The following PAWR variants were observed in gnomAD, a reference collection of about 807,000 sequenced individuals.
PAWR encodes pro-apoptotic WT1 regulator.
PAWR carries 23 observed loss-of-function variants against 32.0 expected under a neutral mutation model. The observed-to-expected ratio is 0.72, with a 90% confidence interval of 0.52 to 1.02. The LOEUF is 1.02. Among genes scored for constraint, PAWR ranks in the 50% least tolerant of loss-of-function variants. The probability of loss-of-function intolerance (pLI) is 0.00; values close to 1 mark genes in which losing one functional copy is unlikely to be tolerated. For missense variants in PAWR, 457 were observed against 437.7 expected (o/e 1.04, Z -0.39); for synonymous variants, 226 against 187.1 (o/e 1.21, Z -1.70).
chr12:79,586,676 A>G lies in PAWR; in HGVS notation c.*5931T>C, dbSNP rs1873393178. 2 of 152,210 alleles carry G rather than the reference A, an allele frequency of 1.3e-5. No homozygotes were observed. Among genetic ancestry groups the G allele is most frequent in the African/African-American group, 4.8e-5 (2 of 41,470 alleles). The allele number at this position is 152,210 out of a possible 1,614,324, so 9.4% of individuals were successfully genotyped here. A position where few individuals can be genotyped will look rare whatever the true frequency, so the allele number is the denominator to read the frequency against. ...TATGTGTAAAGTAAAAATTCAATCT[A>G]TCTTTAACCGGCTCATACTGTTTTC... On this transcript the variant is annotated 3_prime_UTR_variant, in exon 7 of 7. Transcript: ENST00000328827.
Position 79,589,844 on chromosome 12 carries a change from G to T in PAWR, c.*2763C>A, listed in dbSNP as rs1178859320. ...AAATTCCCAGGAGATTTAAGAAATA[G>T]TATTTCTGAACAGGAATAATAATTT... On this transcript the variant is annotated 3_prime_UTR_variant, in exon 7 of 7. Transcript: ENST00000328827. 1 of 152,112 alleles carries T rather than the reference G, an allele frequency of 6.6e-6. No individual in the cohort carries two copies. The highest frequency in any genetic ancestry group is 1.5e-5 in the Non-Finnish European group (1 of 68,002). The allele number at this position is 152,112 out of a possible 1,614,324, so 9.4% of individuals were successfully genotyped here.
chr12:79,664,658 C>CGGGGG (rs10700018), intron 2 of PAWR, among the ~76,000 whole-genome samples: 12 of 128,240 alleles, frequency 9.4e-5, no homozygotes, highest in African/African-American at 4.3e-4. Flanking sequence ...GACTCTTTGG[C>CGGGGG]GGGGGGGGGA....
chr12:79,639,908 TTCC>T (rs1396027138), intron 2 of PAWR, among the ~76,000 whole-genome samples: 1 of 150,944 alleles, frequency 6.6e-6, no homozygotes, highest in Non-Finnish European at 1.5e-5. Flanking sequence ...TTCCATTCCA[TTCC>T]ATTCTATTCT....
Position 79,592,701 on chromosome 12 carries a change from A to C in PAWR, c.937-8T>G, listed in dbSNP as rs746441034. On this transcript the variant is annotated splice_region_variant and splice_polypyrimidine_tract_variant and intron_variant, in intron 6 of 6. Transcript: ENST00000328827. ...TTCTATGTCATCTAGGTCCTTAAGA[A>C]AAAAAAAAGACACTTTAAAAATACT... 1.1e-5 allele frequency: 8 copies of C among 725,696 alleles called. No individual in the cohort carries two copies. The highest frequency in any genetic ancestry group is 1.1e-4 in the South Asian group (7 of 66,226). 45.0% of individuals were successfully genotyped at this position (725,696 alleles called of 1,614,324 possible).
intron 2 of PAWR, chr12:79,668,437 T>TTAAG (rs1426868148): frequency 7.2e-5 from 11 of 152,262 alleles, no homozygotes; most frequent in Admixed American, 1.3e-4. Context: ...AAACAACTGG[T>TTAAG]TAAGTAAGGA....
At chr12:79,632,336 TATATATATATATATATATATATA>T (rs1875715814) in intron 2 of PAWR, among the ~76,000 whole-genome samples, 2 of 57,580 alleles carry the variant, frequency 3.5e-5, no homozygotes, top group African/African-American at 4.3e-4. Flanking sequence ...TATATATATA[TATATATATATATATATATATATA>T]TATTTTTTTT....
rs1318306900 is a variant in PAWR, at chr12:79,596,620, T to C, written c.722A>G (p.Tyr241Cys). 6.2e-7 allele frequency: 1 copy of C among 1,600,456 alleles called. No homozygotes were observed. The highest frequency in any genetic ancestry group is 8.5e-7 in the Non-Finnish European group (1 of 1,170,786). Residue 241 changes from tyrosine (Y) to cysteine (C), a missense_variant, in exon 5 of 7, where the codon TAT becomes TGT. Tyr to Cys is a radical substitution (Grantham distance 194). Transcript: ENST00000328827. ...GAACCCACTTCTATCTGTTCGAGAA[T>C]ATCTACTTGAGACATCTTCTTCAGA... ...SVSEEDVSSR[Y>C]SRTDRSGFPR...
rs1374975909 is a variant in PAWR, at chr12:79,690,429, G to C, written c.-147-38C>G. On this transcript the variant is annotated intron_variant, in intron 1 of 6. Transcript: ENST00000328827. ...ACAAAAGGGGGCGGGTAAGGGAAGCGTAAGATCCCCGCCCGACCCAAGGGT... is the reference window on the plus strand; with the variant it reads ...ACAAAAGGGGGCGGGTAAGGGAAGCCTAAGATCCCCGCCCGACCCAAGGGT... 4.8e-6 allele frequency: 6 copies of C among 1,251,892 alleles called. No homozygotes were observed. In the African/African-American group the frequency reaches 6.4e-5, roughly 13 times the overall value. 77.5% of individuals were successfully genotyped at this position (1,251,892 alleles called of 1,614,324 possible).
intron 2 of PAWR, among the ~76,000 whole-genome samples, chr12:79,639,695 T>C (rs1413276967): frequency 6.6e-6 from 1 of 152,190 alleles, no homozygotes; most frequent in Admixed American, 6.5e-5. Flanking sequence ...AAAGTTTAGG[T>C]CTATATAAAA....
intron 2 of PAWR, among the ~76,000 whole-genome samples, chr12:79,669,568 T>C (rs983093984): frequency 1.5e-4 from 23 of 152,152 alleles, no homozygotes; most frequent in Admixed American, 1.4e-3. Context: ...AAAGCAACTC[T>C]AACAAACATC....
chr12:79,690,080 C>A lies in PAWR; in HGVS notation c.165G>T (p.Ala55=). The A allele has an allele frequency of 7.0e-7, 1 of 1,428,530 alleles. No individual in the cohort carries two copies. The highest frequency in any genetic ancestry group is 2.3e-4 in the Middle Eastern group (1 of 4,350). 88.5% of individuals were successfully genotyped at this position (1,428,530 alleles called of 1,614,324 possible). A position where few individuals can be genotyped will look rare whatever the true frequency, so the allele number is the denominator to read the frequency against. The change falls in exon 2 of 7, where the codon GCG becomes GCT. Residue 55 remains alanine (A), a synonymous_variant. Coordinates refer to ENST00000328827, the MANE Select transcript of PAWR (RefSeq NM_002583.4). The part of the protein sequence containing the change: ...GSSDAAGKPP[A]GALGTPAAAA... ...CGGCCGCCGGGGTGCCCAGAGCCCC[C>A]GCGGGGGGCTTCCCAGCGGCGTCGC...
At chr12:79,657,666 C>T (rs1451232307) in intron 2 of PAWR, among the ~76,000 whole-genome samples, 6 of 151,992 alleles carry the variant, frequency 3.9e-5, no homozygotes, top group Middle Eastern at 3.4e-3. Context: ...TGGTGGCGGG[C>T]GCATGTAGTC....
chr12:79,673,270 C>T (rs1291032032), intron 2 of PAWR, among the ~76,000 whole-genome samples: 4 of 152,018 alleles, frequency 2.6e-5, no homozygotes, highest in Admixed American at 6.6e-5. Flanking sequence ...GGGGTTTCAC[C>T]GTGTTAGCCA....
intron 2 of PAWR, among the ~76,000 whole-genome samples, chr12:79,660,091 C>G (rs556910855): frequency 6.6e-6 from 1 of 152,296 alleles, no homozygotes; most frequent in African/African-American, 2.4e-5. Context: ...CATTAAAAAG[C>G]AGTGAGCAAA....
At chr12:79,680,401 T>C (rs906914792) in intron 2 of PAWR, among the ~76,000 whole-genome samples, 3 of 152,214 alleles carry the variant, frequency 2.0e-5, no homozygotes, top group Admixed American at 2.0e-4. Context: ...TTCTAACACT[T>C]TTCAAAAAGT....
In PAWR at chr12:79,632,872, G is replaced by A. The variant is rs114686799; in HGVS notation, c.517-11665C>T. Among the ~76,000 whole-genome samples the A allele has an allele frequency of 2.1e-3, 324 of 152,212 alleles. 2 individuals carry two copies. The highest frequency in any genetic ancestry group is 7.6e-3 in the African/African-American group (316 of 41,526). ...ATCATAGCCGGACACGGTGGCTCAT[G>A]GCTGTAATCCCGGCACTTTGGGAGG... On this transcript the variant is annotated intron_variant, in intron 2 of 6. Transcript: ENST00000328827.
At chr12:79,607,728 C>CAAAAA (rs566552836) in intron 4 of PAWR, among the ~76,000 whole-genome samples, 2 of 127,034 alleles carry the variant, frequency 1.6e-5, no homozygotes, top group South Asian at 2.7e-4. Flanking sequence ...GACCTTGTCT[C>CAAAAA]AAAAAAAAAA....
At position 79,588,181 on chromosome 12, in the gene PAWR, T is replaced by A. The variant is rs1185929807; in HGVS notation, c.*4426A>T. On this transcript the variant is annotated 3_prime_UTR_variant, in exon 7 of 7. Transcript: ENST00000328827. Reference sequence around the variant, plus strand: ...ACAAAACACAGGCACTTAATCAACATCCACCAAGTGATCATCACTAACATT... The same window carrying A: ...ACAAAACACAGGCACTTAATCAACAACCACCAAGTGATCATCACTAACATT... The A allele has an allele frequency of 6.6e-6, 1 of 151,976 alleles. No homozygotes were observed. The highest frequency in any genetic ancestry group is 1.5e-5 in the Non-Finnish European group (1 of 67,842). The allele number at this position is 151,976 out of a possible 1,614,324, so 9.4% of individuals were successfully genotyped here. A position where few individuals can be genotyped will look rare whatever the true frequency, so the allele number is the denominator to read the frequency against.
intron 2 of PAWR, among the ~76,000 whole-genome samples, chr12:79,656,568 G>C (rs1368329420): frequency 6.6e-6 from 1 of 152,126 alleles, no homozygotes. Context: ...AGGTTTAGCA[G>C]GAGAAAATTA....
Sources: gnomAD v4.1 joint callset for allele counts (sites outside exome capture counted in the v4.1 genomes callset) on GRCh38, gnomAD v4.1.1 for gene constraint, MANE v1.5 for transcripts, NCBI Gene and HGNC (gene_info 2026-07-23, HGNC 2026-07-21) for gene names.